TCF20: variants seen among roughly 807,000 people sequenced by gnomAD.
The protein encoded by TCF20 is SPRE-binding protein.
Under a neutral mutation model 148.6 loss-of-function variants are expected in TCF20, and 3 were observed. That is an observed-to-expected ratio of 0.02 (90% CI 0.01 to 0.05). The LOEUF is 0.05. TCF20 is among the 10% of genes least tolerant of loss of function. TCF20 has a pLI of 1.00. For missense variants in TCF20, 2,350 were observed against 2,429.3 expected (o/e 0.97, Z 0.69); for synonymous variants, 1,049 against 909.5 (o/e 1.15, Z -2.76).
intron 1 of TCF20, among the ~76,000 whole-genome samples, chr22:42,320,956 C>T (rs1479185089): frequency 6.6e-6 from 1 of 152,202 alleles, no homozygotes; most frequent in Non-Finnish European, 1.5e-5. Context: ...GCCATTCCCA[C>T]TCCACCACCG....
chr22:42,196,347 G>C (rs924597282), intron 2 of TCF20, among the ~76,000 whole-genome samples: 2 of 152,174 alleles, frequency 1.3e-5, no homozygotes, highest in Non-Finnish European at 2.9e-5. Context: ...AAAATGCCCA[G>C]GCCTGCTCTC....
In TCF20 at chr22:42,236,078, G is replaced by A. The variant is rs550601674; in HGVS notation, c.-36-20737C>T. On this transcript the variant is annotated intron_variant, in intron 1 of 5. Coordinates refer to ENST00000677622, the MANE Select transcript of TCF20 (RefSeq NM_001378418.1). ...GCATGGTGGCAGGCACCTGTAATCC[G>A]AGAATCACTTGCTTGTACACCCAGG... 4.6e-5 allele frequency among the ~76,000 whole-genome samples: 7 copies of A among 151,978 alleles called. No individual in the cohort carries two copies. The East Asian group carries it at 1.2e-3, about 25-fold the overall frequency.
At chr22:42,288,137 G>A (rs370166866), upstream of TCF20, among the ~76,000 whole-genome samples, 68 of 152,292 alleles carry the variant, frequency 4.5e-4, no homozygotes, top group South Asian at 1.9e-3. Context: ...GCTCACTCCT[G>A]TAATCCCAGC....
chr22:42,232,842 A>G (rs964637667), intron 1 of TCF20, among the ~76,000 whole-genome samples: 8 of 151,664 alleles, frequency 5.3e-5, no homozygotes, highest in African/African-American at 1.9e-4. Context: ...CCAACATGCT[A>G]ATTTTAAAAC....
intron 2 of TCF20, among the ~76,000 whole-genome samples, chr22:42,209,427 A>G (rs374260794): frequency 6.2e-4 from 94 of 152,330 alleles, no homozygotes; most frequent in African/African-American, 2.2e-3. Context: ...AACTTGAAAT[A>G]TAATAATATG....
In TCF20 at chr22:42,211,259, T is replaced by C. The variant is rs570338888; in HGVS notation, c.4047A>G (p.Gly1349=). The change falls in exon 2 of 6, where the codon GGA becomes GGG. Residue 1349 remains glycine, a synonymous_variant. Coordinates refer to ENST00000677622, the MANE Select transcript of TCF20 (RefSeq NM_001378418.1). ...TKILPPRKGR[G]LKLEAIVQKI... ...TCTGAACTATAGCTTCCAATTTCAATCCCCGTCCTTTCCGTGGGGGCAGTA... is the reference window on the plus strand; with the variant it reads ...TCTGAACTATAGCTTCCAATTTCAACCCCCGTCCTTTCCGTGGGGGCAGTA... 1 of 1,614,092 alleles carries C rather than the reference T, an allele frequency of 6.2e-7. No homozygotes were observed. Among genetic ancestry groups the C allele is most frequent in the East Asian group, 2.2e-5 (1 of 44,872 alleles).
At position 42,338,155 on chromosome 22, in the gene TCF20, CCT is replaced by C. The variant is rs1276737381; in HGVS notation, c.-37+5322_-37+5323del. On this transcript the variant is annotated intron_variant, in intron 1 of 1. Coordinates refer to the TCF20 transcript ENST00000515426. The surrounding 1 kb of genome is among the most constrained non-coding windows in gnomAD (Gnocchi z 4.0). ...CTCCCGCCTCGGTCTCCACGCGTCCCCTGAGATCCCCCACCGCCCTGGATGTT... is the reference window on the plus strand; with the variant it reads ...CTCCCGCCTCGGTCTCCACGCGTCCCGAGATCCCCCACCGCCCTGGATGTT... Among the ~76,000 whole-genome samples the C allele has an allele frequency of 2.6e-5, 4 of 152,220 alleles. No homozygotes were observed. Among genetic ancestry groups the C allele is most frequent in the Non-Finnish European group, 4.4e-5 (3 of 68,034 alleles).
At chr22:42,233,534 C>A (rs911969625) in intron 1 of TCF20, among the ~76,000 whole-genome samples, 1 of 152,204 alleles carries the variant, frequency 6.6e-6, no homozygotes, top group Non-Finnish European at 1.5e-5. Context: ...CAGTGCAAAT[C>A]GCACTTTTCC....
chr22:42,194,714 G>C lies in TCF20; in HGVS notation c.5655+14937C>G, dbSNP rs529215440. 1.7e-3 allele frequency among the ~76,000 whole-genome samples: 256 copies of C among 152,234 alleles called. 1 individual carries two copies. The Middle Eastern group carries it at 0.017, about 10-fold the overall frequency. ...TGGACTGTGAGTTTCACAGGGCATG[G>C]TGGAGGAGACTGGCAAAGCAGCAGA... is the stretch of plus-strand genomic sequence containing the variant. On this transcript the variant is annotated intron_variant, in intron 2 of 5. Coordinates refer to ENST00000677622, the MANE Select transcript of TCF20 (RefSeq NM_001378418.1).
Position 42,240,777 on chromosome 22 carries a change from C to A in TCF20, c.-36-25436G>T, listed in dbSNP as rs1924323234. Among the ~76,000 whole-genome samples, 4 of 152,230 alleles carry A rather than the reference C, an allele frequency of 2.6e-5. No homozygotes were observed. The South Asian group carries it at 8.3e-4, about 32-fold the overall frequency. On this transcript the variant is annotated intron_variant, in intron 1 of 5. Coordinates refer to ENST00000677622, the MANE Select transcript of TCF20 (RefSeq NM_001378418.1). ...ATAGGGCTGCATCCTAGGAGTAAGACTGAAGTAGAAGTAAATAAGCCCTCC... is the reference window on the plus strand; with the variant it reads ...ATAGGGCTGCATCCTAGGAGTAAGAATGAAGTAGAAGTAAATAAGCCCTCC...
At chr22:42,329,527 C>T (rs372673384) in intron 1 of TCF20, among the ~76,000 whole-genome samples, 41 of 152,216 alleles carry the variant, frequency 2.7e-4, no homozygotes, top group East Asian at 1.9e-3. Flanking sequence ...CGAGCCAGAA[C>T]GTGGGCTTTG....
At chr22:42,269,857 C>G (rs919801623) in intron 1 of TCF20, 1 of 152,416 alleles carries the variant, frequency 6.6e-6, no homozygotes, top group South Asian at 2.1e-4. Context: ...GCCCTCCCGC[C>G]CACATCCCGG....
intron 1 of TCF20, among the ~76,000 whole-genome samples, chr22:42,335,009 T>A (rs1004133031): frequency 6.6e-6 from 1 of 152,084 alleles, no homozygotes; most frequent in African/African-American, 2.4e-5. Context: ...TATCCAGAGC[T>A]GTACACCCTC....
At chr22:42,256,567 C>T (rs1440003187) in intron 1 of TCF20, among the ~76,000 whole-genome samples, 2 of 151,552 alleles carry the variant, frequency 1.3e-5, no homozygotes, top group African/African-American at 4.9e-5. Flanking sequence ...TATGCTAGAA[C>T]TTAAATCCAC....
intron 1 of TCF20, among the ~76,000 whole-genome samples, chr22:42,293,518 G>T (rs1416327746): frequency 2.6e-5 from 4 of 152,182 alleles, no homozygotes; most frequent in African/African-American, 9.7e-5. Flanking sequence ...GGGTGAGGGG[G>T]CTCAGCCAAG....
chr22:42,294,890 A>AGGGAT (rs1223899282), intron 1 of TCF20, among the ~76,000 whole-genome samples: 1 of 152,186 alleles, frequency 6.6e-6, no homozygotes, highest in Non-Finnish European at 1.5e-5. Flanking sequence ...CCTGGGGGAC[A>AGGGAT]GGGATGACCC....
At chr22:42,164,471 T>C (rs1432037209) in intron 5 of TCF20, among the ~76,000 whole-genome samples, 2 of 152,210 alleles carry the variant, frequency 1.3e-5, no homozygotes, top group African/African-American at 2.4e-5. Context: ...CCTCGTGATC[T>C]GCCCGCCTCC....
chr22:42,204,484 G>A (rs1427122200), intron 2 of TCF20, among the ~76,000 whole-genome samples: 1 of 151,468 alleles, frequency 6.6e-6, no homozygotes, highest in East Asian at 1.9e-4. Flanking sequence ...AACAGAGTGA[G>A]ACCCTGTCTC....
intron 1 of TCF20, among the ~76,000 whole-genome samples, chr22:42,220,075 A>G (rs530245159): frequency 6.6e-6 from 1 of 152,206 alleles, no homozygotes; most frequent in African/African-American, 2.4e-5. Flanking sequence ...TCCCCATCCT[A>G]TTAGAGGGCT....
Sources: gnomAD v4.1 joint callset for allele counts (sites outside exome capture counted in the v4.1 genomes callset) on GRCh38, gnomAD v4.1.1 for gene constraint, Gnocchi (gnomAD v3.1) non-coding constraint, MANE v1.5 for transcripts, NCBI Gene and HGNC (gene_info 2026-07-23, HGNC 2026-07-21) for gene names.